The following SHC2 variants were observed in gnomAD, a reference collection of about 807,000 sequenced individuals.
The protein encoded by SHC2 is SHC-transforming protein 2.
Under a neutral mutation model 60.6 loss-of-function variants are expected in SHC2, and 62 were observed. That is an observed-to-expected ratio of 1.02 (90% CI 0.83 to 1.26). The LOEUF (loss-of-function observed/expected upper bound fraction) is 1.26. Among genes scored for constraint, SHC2 ranks in the 50% most tolerant of loss-of-function variants. The pLI is 0.00. For synonymous variants in SHC2, 375 were observed against 372.4 expected, an observed-to-expected ratio of 1.01 and a Z score of -0.08; for missense variants, 873 against 822.2, an observed-to-expected ratio of 1.06 and a Z score of -0.76.
intron 1 of SHC2, among the ~76,000 whole-genome samples, chr19:443,049 G>A (rs1445940729): frequency 2.7e-5 from 4 of 150,266 alleles, no homozygotes; most frequent in East Asian, 4.0e-4. Flanking sequence ...ATGGATGGAC[G>A]GGTGGGTGGA....
intron 11 of SHC2, among the ~76,000 whole-genome samples, chr19:420,112 T>C: frequency 6.6e-6 from 1 of 152,170 alleles, no homozygotes; most frequent in East Asian, 1.9e-4. Context: ...CCAGGTGTAG[T>C]GGCTGCCGGT....
intron 1 of SHC2, among the ~76,000 whole-genome samples, chr19:442,368 T>G: frequency 9.9e-6 from 1 of 101,062 alleles, no homozygotes; most frequent in African/African-American, 3.9e-5. Context: ...GATGGATGGA[T>G]GGGTGGGTGG....
intron 11 of SHC2, among the ~76,000 whole-genome samples, chr19:420,872 A>C (rs1444900787): frequency 6.6e-6 from 1 of 151,544 alleles, no homozygotes; most frequent in Non-Finnish European, 1.5e-5. Context: ...CAACATGGTG[A>C]TACCCCGTCT....
chr19:436,170 TG>T lies in SHC2; in HGVS notation c.947del (p.Pro316GlnfsTer37). ...GGGGAGGCAGCTCTGGTTACCTTTC[TG>T]GGGGCAGCGCCACCTTGGGCGGGCT... ...LHSPPKVALPPERLAGPEESA... is the reference protein window; with the variant it reads ...LHSPPKVALPXERLAGPEESA... On this transcript the variant is annotated frameshift_variant, in exon 7 of 13. Transcript: ENST00000264554. LOFTEE classifies it high-confidence loss of function. The T allele has an allele frequency of 6.2e-7, 1 of 1,611,254 alleles. No individual in the cohort carries two copies. Among genetic ancestry groups the T allele is most frequent in the Non-Finnish European group, 8.5e-7 (1 of 1,179,338 alleles).
intron 9 of SHC2, among the ~76,000 whole-genome samples, chr19:429,889 C>T (rs1391984407): frequency 6.6e-6 from 1 of 150,826 alleles, no homozygotes; most frequent in African/African-American, 2.5e-5. Flanking sequence ...TACCTATATC[C>T]AACGTGCAGA....
intron 10 of SHC2, among the ~76,000 whole-genome samples, chr19:423,137 A>G (rs1974325518): frequency 6.8e-6 from 1 of 147,124 alleles, no homozygotes; most frequent in Non-Finnish European, 1.5e-5. Context: ...TCCCGCCCTG[A>G]CCCTCACTCC....
At chr19:437,916 A>T (rs1319938474) in intron 4 of SHC2, among the ~76,000 whole-genome samples, 2 of 152,188 alleles carry the variant, frequency 1.3e-5, no homozygotes, top group Non-Finnish European at 2.9e-5. Context: ...CATGCTCAGG[A>T]CACCCCTCAC....
At position 441,245 on chromosome 19, in the gene SHC2, C is replaced by G; in HGVS notation, c.469-313G>C. The G allele has an allele frequency of 1.2e-6, 1 of 852,858 alleles. No individual in the cohort carries two copies. Among genetic ancestry groups the G allele is most frequent in the African/African-American group, 1.9e-5 (1 of 52,868 alleles). 52.8% of individuals were successfully genotyped at this position (852,858 alleles called of 1,614,324 possible). On this transcript the variant is annotated intron_variant, in intron 1 of 12. Coordinates refer to ENST00000264554, the MANE Select transcript of SHC2 (RefSeq NM_012435.3). The surrounding 1 kb of genome is among the most constrained non-coding windows in gnomAD (Gnocchi z 4.9). ...CCTCGTCGGTCTCTTTCTGTTCCAC[C>G]AGCACCGAAGCCGAGGAGCGTGGGG...
rs766529416 is a variant in SHC2 at position 430,722 on chromosome 19, G to T, written c.1136C>A (p.Ala379Asp). The T allele has an allele frequency of 8.8e-5, 142 of 1,612,998 alleles. No individual in the cohort carries two copies. The highest frequency in any genetic ancestry group is 1.2e-4 in the Non-Finnish European group (139 of 1,179,830). The change falls in exon 9 of 13, where the codon GCC (alanine) becomes GAC (aspartate). Residue 379 changes from alanine to aspartate, a missense_variant. Ala to Asp is a moderately radical substitution (Grantham distance 126). Transcript: ENST00000264554. ...CCCCACGTCCCATGGCAGGCTGCAG[G>T]CATCTCTTAGAGAAGGAGATGGGCC... ...DQGPSPSLRDACSLPWDVGST... is the reference protein window; with the variant it reads ...DQGPSPSLRDDCSLPWDVGST...
Position 425,085 on chromosome 19 carries a change from G to A in SHC2, c.1309+12C>T. 7.3e-7 allele frequency: 1 copy of A among 1,373,522 alleles called. No individual in the cohort carries two copies. The highest frequency in any genetic ancestry group is 9.5e-7 in the Non-Finnish European group (1 of 1,054,446). 85.1% of individuals were successfully genotyped at this position (1,373,522 alleles called of 1,614,324 possible). On this transcript the variant is annotated intron_variant, in intron 10 of 12. Coordinates refer to ENST00000264554, the MANE Select transcript of SHC2 (RefSeq NM_012435.3). The surrounding 1 kb of genome is among the most constrained non-coding windows in gnomAD (Gnocchi z 4.1). Reference sequence around the variant, plus strand: ...ACACGCGATGACGGCCGCCCCCCAGGCTGCCACATACGCATGTCAAACAGA... The same window carrying A: ...ACACGCGATGACGGCCGCCCCCCAGACTGCCACATACGCATGTCAAACAGA...
chr19:448,599 G>A (rs947769392), intron 1 of SHC2, among the ~76,000 whole-genome samples: 5 of 152,036 alleles, frequency 3.3e-5, no homozygotes, highest in African/African-American at 4.8e-5. Context: ...AACACCGTTC[G>A]CCCCAGGACA....
At chr19:457,203 C>G (rs1476488868) in intron 1 of SHC2, among the ~76,000 whole-genome samples, 1 of 131,394 alleles carries the variant, frequency 7.6e-6, no homozygotes, top group Non-Finnish European at 1.6e-5. Flanking sequence ...AGAACTCTGT[C>G]TGCAAACCCC....
Position 441,290 on chromosome 19 carries a change from T to C in SHC2, c.469-358A>G, listed in dbSNP as rs552642758. 6 of 405,304 alleles carry C rather than the reference T, an allele frequency of 1.5e-5. No homozygotes were observed. Among genetic ancestry groups the C allele is most frequent in the Admixed American group, 6.4e-5 (1 of 15,578 alleles). 25.1% of individuals were successfully genotyped at this position (405,304 alleles called of 1,614,324 possible). A position where few individuals can be genotyped will look rare whatever the true frequency, so the allele number is the denominator to read the frequency against. ...GTGGGGATGGTGCGATCCTGAGCAC[T>C]TCCCTATCTCCAGCGCCCAGTTCAG... is the stretch of plus-strand genomic sequence containing the variant. On this transcript the variant is annotated intron_variant, in intron 1 of 12. Coordinates refer to ENST00000264554, the MANE Select transcript of SHC2 (RefSeq NM_012435.3). The surrounding 1 kb of genome is among the most constrained non-coding windows in gnomAD (Gnocchi z 4.9).
At chr19:457,881 C>G (rs113147774) in intron 1 of SHC2, among the ~76,000 whole-genome samples, 14,780 of 152,290 alleles carry the variant, frequency 0.097, 869 homozygotes, top group Middle Eastern at 0.21. Context: ...GAGGGCGGCC[C>G]GATGCCACCA....
In SHC2 at chr19:447,078, A is replaced by G. The variant is rs181289844; in HGVS notation, c.469-6146T>C. Among the ~76,000 whole-genome samples, 692 of 152,350 alleles carry G rather than the reference A, an allele frequency of 4.5e-3. 8 individuals are homozygous for G. Among genetic ancestry groups the G allele is most frequent in the African/African-American group, 0.016 (658 of 41,584 alleles). ...AAGGAAATTGCAGGAAACAACTAAA[A>G]TATCTATCAACGGATGAACTGATAA... is the stretch of plus-strand genomic sequence containing the variant. On this transcript the variant is annotated intron_variant, in intron 1 of 12. Coordinates refer to ENST00000264554, the MANE Select transcript of SHC2 (RefSeq NM_012435.3).
Position 459,260 on chromosome 19 carries a change from T to A in SHC2, c.468+1269A>T, listed in dbSNP as rs867199332. Among the ~76,000 whole-genome samples the A allele has an allele frequency of 2.2e-3, 168 of 74,690 alleles. 2 individuals carry two copies. Among genetic ancestry groups the A allele is most frequent in the Middle Eastern group, 0.011 (1 of 90 alleles). The allele number at this position is 74,690 out of a possible 152,430, so 49.0% of individuals were successfully genotyped here. On this transcript the variant is annotated intron_variant, in intron 1 of 12. Coordinates refer to ENST00000264554, the MANE Select transcript of SHC2 (RefSeq NM_012435.3). ...AACCCAGCGTAGGGGGAAGGACCCC[T>A]CTCAACTCGGTGTAGGGGGAAGGAC...
intron 1 of SHC2, among the ~76,000 whole-genome samples, chr19:454,739 G>A (rs898554603): frequency 1.8e-4 from 27 of 152,110 alleles, no homozygotes; most frequent in Non-Finnish European, 2.6e-4. Context: ...GCGGTGAGCC[G>A]AGATCGCGCC....
Position 424,738 on chromosome 19 carries a change from C to T in SHC2, c.1309+359G>A, listed in dbSNP as rs1974366357. 6.6e-6 allele frequency among the ~76,000 whole-genome samples: 1 copy of T among 152,216 alleles called. No homozygotes were observed. Among genetic ancestry groups the T allele is most frequent in the East Asian group, 1.9e-4 (1 of 5,168 alleles). ...GAGCTTCTCACAGAGCGGGGGCCAG[C>T]GGCATTCCCAACCAGACTGGGGGTT... On this transcript the variant is annotated intron_variant, in intron 10 of 12. Coordinates refer to ENST00000264554, the MANE Select transcript of SHC2 (RefSeq NM_012435.3). This position sits in a 1 kb window ranked among gnomAD's most constrained non-coding sequence, Gnocchi z 4.5.
chr19:460,680 C>A lies in SHC2; in HGVS notation c.317G>T (p.Gly106Val), dbSNP rs1426672612. The change falls in exon 1 of 13, where the codon GGG becomes GTG. Residue 106 changes from glycine to valine, a missense_variant. Physicochemically the swap from Gly to Val is moderately radical, Grantham distance 109 (BLOSUM62 -3). Coordinates refer to ENST00000264554, the MANE Select transcript of SHC2 (RefSeq NM_012435.3). ...CGCCGCCCCCCGCCCGCCCCGCGAC[C>A]CCCGCGACCCCGCGCCCCGACAGCG... ...LSRCRGAGSR[G>V]SRGGRGAAGS... 3 of 1,047,884 alleles carry A rather than the reference C, an allele frequency of 2.9e-6. No homozygotes were observed. The South Asian group carries it at 1.3e-4, about 46-fold the overall frequency. The allele number at this position is 1,047,884 out of a possible 1,614,324, so 64.9% of individuals were successfully genotyped here.
Sources: gnomAD v4.1 joint callset for allele counts (sites outside exome capture counted in the v4.1 genomes callset) on GRCh38, gnomAD v4.1.1 for gene constraint, Gnocchi (gnomAD v3.1) non-coding constraint, MANE v1.5 for transcripts, NCBI Gene and HGNC (gene_info 2026-07-23, HGNC 2026-07-21) for gene names.